The following ZNF44 variants were observed in gnomAD, a reference collection of about 807,000 sequenced individuals.
ZNF44 encodes the protein zinc finger protein 44.
Under a neutral mutation model 11.7 loss-of-function variants are expected in ZNF44, and 9 were observed. That is an observed-to-expected ratio of 0.77 (90% CI 0.46 to 1.35). The LOEUF is 1.35. Among genes scored for constraint, ZNF44 ranks in the 40% most tolerant of loss-of-function variants. ZNF44 has a pLI of 0.00. For missense variants in ZNF44, 696 were observed against 743.1 expected (o/e 0.94, Z 0.74); for synonymous variants, 224 against 242.7 (o/e 0.92, Z 0.72).
intron 7 of ZNF44, chr19:12,249,940 C>A (rs1003054714): frequency 3.6e-5 from 44 of 1,222,490 alleles, no homozygotes; most frequent in Non-Finnish European, 4.4e-5. Context: ...TAAGATTTTT[C>A]TCCTAGAATA....
chr19:12,227,167 G>A (rs1599477296), intron 3 of ZNF44, among the ~76,000 whole-genome samples: 1 of 152,344 alleles, frequency 6.6e-6, no homozygotes, highest in East Asian at 1.9e-4. Flanking sequence ...TAAGAGTTCT[G>A]AACGTTTTTC....
upstream of ZNF44, among the ~76,000 whole-genome samples, chr19:12,241,689 C>T (rs1313843338): frequency 6.6e-6 from 1 of 152,108 alleles, no homozygotes; most frequent in Non-Finnish European, 1.5e-5. Flanking sequence ...AGCGAGACTC[C>T]GTTGCAATCA....
rs181189730 is a variant in ZNF44, at chr19:12,278,609, G to A, written c.4-2527C>T. Reference sequence around the variant, plus strand: ...TAGGTGGGTATGGTGGCGCATGCCTGTAGTCCCAGCTACTCAGGAAAGTAG... The same window carrying A: ...TAGGTGGGTATGGTGGCGCATGCCTATAGTCCCAGCTACTCAGGAAAGTAG... On this transcript the variant is annotated intron_variant, in intron 1 of 3. Coordinates refer to ENST00000355684, the MANE Select transcript of ZNF44 (RefSeq NM_016264.4). Among the ~76,000 whole-genome samples the A allele has an allele frequency of 4.7e-4, 72 of 152,034 alleles. 1 individual carries two copies. Among genetic ancestry groups the A allele is most frequent in the Admixed American group, 2.0e-4 (3 of 15,244 alleles).
intron 1 of ZNF44, among the ~76,000 whole-genome samples, chr19:12,286,166 T>C (rs993266806): frequency 1.3e-5 from 2 of 152,226 alleles, no homozygotes; most frequent in Non-Finnish European, 2.9e-5. Context: ...TTTTGTGTTT[T>C]TCCCCCGTTC....
chr19:12,277,326 G>A (rs1048417217), intron 1 of ZNF44, among the ~76,000 whole-genome samples: 3 of 152,140 alleles, frequency 2.0e-5, no homozygotes, highest in African/African-American at 7.2e-5. Flanking sequence ...AGAAAAAATT[G>A]TAACTTTCTA....
intron 1 of ZNF44, chr19:12,284,349 G>A (rs558523643): frequency 4.8e-5 from 26 of 539,408 alleles, no homozygotes; most frequent in African/African-American, 2.3e-4. Flanking sequence ...GGCTGATGAC[G>A]CAGGTGCAGC....
At position 12,273,875 on chromosome 19, in the gene ZNF44, C is replaced by A. The variant is rs1442923757; in HGVS notation, c.380G>T (p.Gly127Val). Residue 127 changes from glycine (G) to valine (V), a missense_variant, in exon 4 of 4, where the codon GGA becomes GTA. Transcript: ENST00000355684. ...TTCATGACACTCCCGGTGTTTGTGT[C>A]CAGTATCAACTCTGATGTAGCAATT... ...SLNCYIRVDT[G>V]HKHRECHEYA... 6.2e-7 allele frequency: 1 copy of A among 1,614,152 alleles called. No individual in the cohort carries two copies. Among genetic ancestry groups the A allele is most frequent in the Non-Finnish European group, 8.5e-7 (1 of 1,180,036 alleles).
intron 5 of ZNF44, chr19:12,260,317 A>G: frequency 4.5e-6 from 4 of 884,432 alleles, no homozygotes; most frequent in South Asian, 1.4e-5. Context: ...GTGGTCACGA[A>G]GCAGAGATCC....
downstream of ZNF44, among the ~76,000 whole-genome samples, chr19:12,270,720 T>G (rs2145717473): frequency 6.6e-6 from 1 of 152,318 alleles, no homozygotes; most frequent in Admixed American, 6.5e-5. Context: ...CCTAAAGTGC[T>G]AGGATTACAG....
At chr19:12,288,771 A>AATATAT (rs1967866703) in intron 1 of ZNF44, among the ~76,000 whole-genome samples, 1 of 38,368 alleles carries the variant, frequency 2.6e-5, no homozygotes, top group African/African-American at 1.7e-4. Context: ...AAAAAAAAAA[A>AATATAT]ATGTATATAT....
intron 5 of ZNF44, chr19:12,260,105 A>T: frequency 1.5e-6 from 1 of 659,362 alleles, no homozygotes; most frequent in Non-Finnish European, 2.8e-6. Context: ...TCAGGCCGCC[A>T]CTGCGAGAGG....
upstream of ZNF44, among the ~76,000 whole-genome samples, chr19:12,238,856 GAA>G (rs983698807): frequency 6.6e-6 from 1 of 152,136 alleles, no homozygotes; most frequent in East Asian, 1.9e-4. Flanking sequence ...CCTTCACAAG[GAA>G]AAGCCGCATT....
intron 1 of ZNF44, among the ~76,000 whole-genome samples, chr19:12,235,323 C>G (rs2438544): frequency 6.6e-6 from 1 of 152,082 alleles, no homozygotes; most frequent in Admixed American, 6.5e-5. Context: ...GAGCCGAGAT[C>G]GCGCCACTGC....
intron 5 of ZNF44, among the ~76,000 whole-genome samples, chr19:12,253,965 C>T (rs754574753): frequency 5.3e-5 from 8 of 151,986 alleles, no homozygotes; most frequent in Non-Finnish European, 8.8e-5. Flanking sequence ...GGTGACACAG[C>T]GAGACTCTGT....
chr19:12,294,614 G>T, intron 1 of ZNF44, 78 bp downstream of exon 1: 1 of 1,528,858 alleles, frequency 6.5e-7, no homozygotes, highest in East Asian at 2.5e-5. Context: ...GCGAGGCCCG[G>T]GTCCCGCCAC....
chr19:12,291,721 G>A (rs1170284659), intron 1 of ZNF44, among the ~76,000 whole-genome samples: 1 of 151,930 alleles, frequency 6.6e-6, no homozygotes. Context: ...GCTGCGTGCA[G>A]TGGCTCACAC....
chr19:12,260,356 C>A lies in ZNF44; in HGVS notation c.1913-9988G>T, dbSNP rs878941954. On this transcript the variant is annotated intron_variant and NMD_transcript_variant, in intron 5 of 7. Transcript: ENST00000393337. ...CAGCCGAAGCCTGCCACCTCCTACG[C>A]GCGGACCACCATCAACAAGAATGCT... The A allele has an allele frequency of 7.3e-6, 8 of 1,101,428 alleles. No individual in the cohort carries two copies. The African/African-American group carries it at 1.2e-4, about 17-fold the overall frequency. 68.2% of individuals were successfully genotyped at this position (1,101,428 alleles called of 1,614,324 possible).
At chr19:12,282,507 C>T (rs552368696) in intron 1 of ZNF44, among the ~76,000 whole-genome samples, 10 of 151,212 alleles carry the variant, frequency 6.6e-5, no homozygotes, top group South Asian at 2.1e-4. Flanking sequence ...CTGCAACCTC[C>T]GCCTCCCAGG....
chr19:12,250,286 TAG>T, exon 6 of ZNF44: 5 of 1,366,596 alleles, frequency 3.7e-6, no homozygotes, highest in South Asian at 1.1e-5. Context: ...CACGTCTCTG[TAG>T]AGTTTTTTCT....
Sources: allele counts gnomAD v4.1 joint callset (sites outside exome capture counted in the v4.1 genomes callset), GRCh38; gene constraint gnomAD v4.1.1; transcripts MANE v1.5; gene names NCBI Gene and HGNC (gene_info 2026-07-23, HGNC 2026-07-21).